The following IQGAP1 variants were observed in gnomAD, a reference collection of about 807,000 sequenced individuals.
IQGAP1 encodes IQ motif containing GTPase activating protein 1, also known as ras GTPase-activating-like protein IQGAP1.
IQGAP1 carries 66 observed loss-of-function variants against 215.6 expected under a neutral mutation model. The ratio of observed to expected loss-of-function variants is 0.31; its 90% confidence interval spans 0.25 to 0.38. IQGAP1 has a LOEUF of 0.38. IQGAP1 is among the 10% of genes least tolerant of loss of function. IQGAP1 has a pLI of 1.00. For missense variants in IQGAP1, 1,712 were observed against 1,997.1 expected, an observed-to-expected ratio of 0.86 and a Z score of 2.72; for synonymous variants, 772 against 728.7, an observed-to-expected ratio of 1.06 and a Z score of -0.96.
intron 2 of IQGAP1, among the ~76,000 whole-genome samples, chr15:90,419,561 C>A (rs1368129228): frequency 1.3e-5 from 2 of 151,734 alleles, no homozygotes; most frequent in Non-Finnish European, 2.9e-5. Context: ...GATTAAGAAC[C>A]CTGTTGTCTG....
intron 2 of IQGAP1, chr15:90,391,146 G>A: frequency 3.4e-6 from 1 of 291,564 alleles, no homozygotes; most frequent in South Asian, 3.8e-5. Flanking sequence ...CCTGAGGAGG[G>A]AGGATCACTT....
rs757669487 is a variant in IQGAP1, at chr15:90,454,477, A to G, written c.1537A>G (p.Asn513Asp). 6.2e-7 allele frequency: 1 copy of G among 1,612,594 alleles called. No individual in the cohort carries two copies. The highest frequency in any genetic ancestry group is 2.2e-5 in the East Asian group (1 of 44,746). The change falls in exon 14 of 38, where the codon AAT becomes GAT. Residue 513 changes from asparagine to aspartate, a missense_variant. Physicochemically the swap from Asn to Asp is conservative, Grantham distance 23. Around this residue, in one of 2 missense-constraint regions of IQGAP1, gnomAD observed 1,021 missense variants for 1,074.2 expected, o/e 0.95. Coordinates refer to ENST00000268182, the MANE Select transcript of IQGAP1 (RefSeq NM_003870.4). ...KLKAQAHAEN[N>D]EFITWNDIQA... ...GAAGGCTCAGGCACATGCAGAGAAT[A>G]ATGAATTCATTACATGGAATGATAT...
chr15:90,395,349 C>G (rs370915560), intron 2 of IQGAP1, among the ~76,000 whole-genome samples: 4 of 151,142 alleles, frequency 2.6e-5, no homozygotes, highest in African/African-American at 9.7e-5. Context: ...GAAACGGAGT[C>G]TCGCTCTGTC....
At chr15:90,450,838 T>C (rs556548729) in intron 11 of IQGAP1, among the ~76,000 whole-genome samples, 3 of 151,462 alleles carry the variant, frequency 2.0e-5, no homozygotes, top group African/African-American at 7.2e-5. Flanking sequence ...TGGCTGTTGT[T>C]TGAATTTCTT....
At chr15:90,457,612 T>TC (rs1279875420) in intron 15 of IQGAP1, among the ~76,000 whole-genome samples, 5 of 150,496 alleles carry the variant, frequency 3.3e-5, no homozygotes, top group African/African-American at 1.2e-4. Flanking sequence ...TTTTTTTTTT[T>TC]TGTATTTTTT....
At chr15:90,471,056 C>T (rs1388093527) in intron 18 of IQGAP1, among the ~76,000 whole-genome samples, 1 of 152,090 alleles carries the variant, frequency 6.6e-6, no homozygotes, top group Non-Finnish European at 1.5e-5. Context: ...TACCTCCAGA[C>T]GTTAGCCCTT....
At chr15:90,400,056 T>C (rs1964783995) in intron 2 of IQGAP1, among the ~76,000 whole-genome samples, 1 of 152,196 alleles carries the variant, frequency 6.6e-6, no homozygotes, top group Non-Finnish European at 1.5e-5. Context: ...TGTAGAATTG[T>C]TGTTCCTTGA....
chr15:90,495,936 T>G (rs1302338699), intron 36 of IQGAP1, among the ~76,000 whole-genome samples: 1 of 149,494 alleles, frequency 6.7e-6, no homozygotes, highest in Non-Finnish European at 1.5e-5. Flanking sequence ...TTATTATTAT[T>G]ATTATTATTA....
At chr15:90,434,433 C>T (rs772351804) in intron 5 of IQGAP1, among the ~76,000 whole-genome samples, 4 of 151,456 alleles carry the variant, frequency 2.6e-5, no homozygotes, top group South Asian at 2.1e-4. Context: ...AACGAAACTC[C>T]ATCTAAAAAA....
intron 2 of IQGAP1, among the ~76,000 whole-genome samples, chr15:90,404,380 A>G (rs1025277389): frequency 3.3e-5 from 5 of 152,122 alleles, no homozygotes; most frequent in Admixed American, 1.3e-4. Flanking sequence ...CATTGTAGCT[A>G]TTTTGGATTA....
At chr15:90,481,269 C>CTTTTTTTTTTTTTTTTTTTTTTTTT (rs57452745) in intron 26 of IQGAP1, among the ~76,000 whole-genome samples, 1 of 113,180 alleles carries the variant, frequency 8.8e-6, no homozygotes, top group Admixed American at 8.8e-5. Context: ...CTCTCTGCCT[C>CTTTTTTTTTTTTTTTTTTTTTTTTT]TTTTTTTTTT....
chr15:90,389,679 G>A (rs940838141), intron 1 of IQGAP1, among the ~76,000 whole-genome samples: 3 of 151,906 alleles, frequency 2.0e-5, no homozygotes, highest in Admixed American at 2.0e-4. Flanking sequence ...AGGTGGCCAG[G>A]CATAGTGACT....
intron 9 of IQGAP1, among the ~76,000 whole-genome samples, chr15:90,448,114 G>A (rs906198033): frequency 1.3e-5 from 2 of 152,186 alleles, no homozygotes; most frequent in African/African-American, 4.8e-5. Flanking sequence ...TGTATTCAGT[G>A]TGAACTTTAG....
In IQGAP1 at chr15:90,477,586, A is replaced by G; in HGVS notation, c.3105-79A>G. 1.8e-5 allele frequency: 18 copies of G among 1,018,450 alleles called. 1 individual carries two copies. In the South Asian group the frequency reaches 2.1e-4, roughly 12 times the overall value. 63.1% of individuals were successfully genotyped at this position (1,018,450 alleles called of 1,614,324 possible). On this transcript the variant is annotated intron_variant, in intron 25 of 37. Coordinates refer to ENST00000268182, the MANE Select transcript of IQGAP1 (RefSeq NM_003870.4). ...TTTCGAGAGAAACTGTTTCAGGGAG[A>G]TAGGATCTTTAAGCAGGAAGGATCT...
intron 1 of IQGAP1, 35 bp from the exon 2 acceptor site, chr15:90,390,739 A>T: frequency 7.2e-7 from 1 of 1,385,688 alleles, no homozygotes. Flanking sequence ...AAGGCTACAG[A>T]TCCTGGTGTT....
chr15:90,455,258 C>T (rs976159300), intron 14 of IQGAP1, among the ~76,000 whole-genome samples: 2 of 152,108 alleles, frequency 1.3e-5, no homozygotes, highest in South Asian at 2.1e-4. Context: ...ATTGGCTTTG[C>T]GATTAAACTC....
intron 19 of IQGAP1, 179 bp from the exon 20 acceptor site, chr15:90,473,536 G>C (rs1052012352): frequency 1.7e-6 from 1 of 583,410 alleles, no homozygotes; most frequent in Admixed American, 3.0e-5. Flanking sequence ...TGTAGCCATC[G>C]TGTTCTTCCA....
chr15:90,440,153 AACTG>A (rs1294134471), intron 6 of IQGAP1, among the ~76,000 whole-genome samples: 1 of 152,250 alleles, frequency 6.6e-6, no homozygotes, highest in Non-Finnish European at 1.5e-5. Flanking sequence ...AGACTGAGAT[AACTG>A]ACTTAGTTTG....
chr15:90,478,656 T>C (rs1284106477), intron 26 of IQGAP1, among the ~76,000 whole-genome samples: 1 of 152,206 alleles, frequency 6.6e-6, no homozygotes, highest in Non-Finnish European at 1.5e-5. Context: ...AAAGCTAAGA[T>C]GAACCCAGCC....
Sources: gnomAD v4.1 joint callset for allele counts (sites outside exome capture counted in the v4.1 genomes callset) on GRCh38, gnomAD v4.1.1 for gene constraint, gnomAD v4.1.1 regional missense constraint, MANE v1.5 for transcripts, NCBI Gene and HGNC (gene_info 2026-07-23, HGNC 2026-07-21) for gene names.